Variants in ZDHHC6 observed in about 807,000 individuals in gnomAD.
ZDHHC6 encodes zDHHC palmitoyltransferase 6.
ZDHHC6 carries 32 observed loss-of-function variants against 57.8 expected under a neutral mutation model. The ratio of observed to expected loss-of-function variants is 0.55; its 90% CI spans 0.42 to 0.74. The LOEUF (loss-of-function observed/expected upper bound fraction) is 0.74, where lower values mean the gene tolerates loss of function less well. Among genes scored for constraint, ZDHHC6 ranks in the 30% least tolerant of loss-of-function variants. ZDHHC6 has a pLI of 0.00. For missense variants in ZDHHC6, 433 were observed against 500.7 expected, an observed-to-expected ratio of 0.86 and a Z score of 1.29; for synonymous variants, 128 against 158.0, an observed-to-expected ratio of 0.81 and a Z score of 1.42.
At chr10:112,436,884 C>T (rs1272882792) in intron 6 of ZDHHC6, among the ~76,000 whole-genome samples, 1 of 152,082 alleles carries the variant, frequency 6.6e-6, no homozygotes, top group African/African-American at 2.4e-5. Flanking sequence ...ATACATAAAG[C>T]GTGCCCAAGT....
At chr10:112,445,692 A>G (rs1208268605) in intron 1 of ZDHHC6, 42 bp from the exon 2 acceptor site, 2 of 532,536 alleles carry the variant, frequency 3.8e-6, no homozygotes, top group Middle Eastern at 9.6e-4. Flanking sequence ...AAACAAAACA[A>G]AACAAAACCT....
At chr10:112,427,394 A>G (rs771847301), downstream of ZDHHC6, 1 of 1,542,034 alleles carries the variant, frequency 6.5e-7, no homozygotes. Context: ...CCCACTGTGC[A>G]CTGCTTGTGA....
Position 112,438,316 on chromosome 10 carries a change from A to G in ZDHHC6, c.735+20T>C, listed in dbSNP as rs1845745957. 2.3e-6 allele frequency: 3 copies of G among 1,287,162 alleles called. No individual in the cohort carries two copies. Among genetic ancestry groups the G allele is most frequent in the Non-Finnish European group, 2.1e-6 (2 of 969,620 alleles). The allele number at this position is 1,287,162 out of a possible 1,614,324, so 79.7% of individuals were successfully genotyped here. The stretch of plus-strand genomic sequence containing the variant: ...TTAATATACTTTTTTAATATTGAAG[A>G]AACAATTATTAAAATTTACCTTCTC... On this transcript the variant is annotated intron_variant, in intron 6 of 10. Coordinates refer to ENST00000369405, the MANE Select transcript of ZDHHC6 (RefSeq NM_022494.3).
intron 6 of ZDHHC6, among the ~76,000 whole-genome samples, chr10:112,436,063 GGCAGAGGGAACAACATGT>G (rs1314830658): frequency 6.6e-6 from 1 of 152,178 alleles, no homozygotes; most frequent in East Asian, 1.9e-4. Context: ...GAGCATTCTA[GGCAGAGGGAACAACATGT>G]GCAAGGATAC....
Position 112,432,414 on chromosome 10 carries a change from C to T in ZDHHC6, c.1053G>A (p.Leu351=). 6.2e-7 allele frequency: 1 copy of T among 1,614,020 alleles called. No homozygotes were observed. The highest frequency in any genetic ancestry group is 8.5e-7 in the Non-Finnish European group (1 of 1,179,974). Reference sequence around the variant, plus strand: ...TGGCTAAAATGAATTCCCCTTTTTGCAGCTGTATTCGAGGCTCTTCGGTGC... The same window carrying T: ...TGGCTAAAATGAATTCCCCTTTTTGTAGCTGTATTCGAGGCTCTTCGGTGC... The part of the protein sequence containing the change: ...SPCTEEPRIQ[L]QKGEFILATR... The change falls in exon 9 of 11, where the codon CTG becomes CTA. Residue 351 remains leucine, a synonymous_variant. Transcript: ENST00000369405.
chr10:112,430,030 G>A (rs1048467147), downstream of ZDHHC6, among the ~76,000 whole-genome samples: 6 of 152,192 alleles, frequency 3.9e-5, no homozygotes, highest in Non-Finnish European at 7.4e-5. Context: ...GCCCGGGTCC[G>A]CAGCCACGGC....
rs1845333308 is a variant in ZDHHC6 at position 112,434,467 on chromosome 10, G to T, written c.736-3C>A. 1 of 1,609,248 alleles carries T rather than the reference G, an allele frequency of 6.2e-7. No individual in the cohort carries two copies. Among genetic ancestry groups the T allele is most frequent in the East Asian group, 2.2e-5 (1 of 44,718 alleles). On this transcript the variant is annotated splice_polypyrimidine_tract_variant and splice_region_variant and intron_variant, in intron 6 of 10. Transcript: ENST00000369405. ...TAATACTGAATTCGATCTTTAGCCT[G>T]TGGGTAACAAAGATATAAGATGGCA...
Position 112,443,477 on chromosome 10 carries a change from T to C in ZDHHC6, c.359+38A>G, listed in dbSNP as rs776564172. ...CAACAATGAAAACATCAGTAATTAG[T>C]TGATCAGTCCTCGCTGAACAGCAAG... is the stretch of plus-strand genomic sequence containing the variant. On this transcript the variant is annotated intron_variant, in intron 3 of 10. Coordinates refer to ENST00000369405, the MANE Select transcript of ZDHHC6 (RefSeq NM_022494.3). 4.3e-5 allele frequency: 67 copies of C among 1,559,564 alleles called. No homozygotes were observed. The Middle Eastern group carries it at 5.0e-4, about 12-fold the overall frequency.
chr10:112,427,262 TG>T, downstream of ZDHHC6: 1 of 1,613,610 alleles, frequency 6.2e-7, no homozygotes. Context: ...CCATTGAAAA[TG>T]GGCTCTTGAC....
chr10:112,439,708 G>C (rs969789521), intron 5 of ZDHHC6, among the ~76,000 whole-genome samples: 1 of 143,162 alleles, frequency 7.0e-6, no homozygotes, highest in African/African-American at 2.6e-5. Flanking sequence ...TCAGAGCCAG[G>C]TCCTCCTCCT....
Position 112,430,689 on chromosome 10 carries a change from C to T in ZDHHC6, c.*115G>A, listed in dbSNP as rs1248505964. 1 of 830,744 alleles carries T rather than the reference C, an allele frequency of 1.2e-6. No individual in the cohort carries two copies. Among genetic ancestry groups the T allele is most frequent in the Non-Finnish European group, 1.8e-6 (1 of 561,734 alleles). The allele number at this position is 830,744 out of a possible 1,614,324, so 51.5% of individuals were successfully genotyped here. A position where few individuals can be genotyped will look rare whatever the true frequency, so the allele number is the denominator to read the frequency against. On this transcript the variant is annotated 3_prime_UTR_variant, in exon 11 of 11. Transcript: ENST00000369405. ...ATATTTAAATCATGGCACTAGGGCA[C>T]CTTTGAGGAAAAGAACATCTTAACC...
chr10:112,442,046 G>T, intron 4 of ZDHHC6, 146 bp downstream of exon 4: 2 of 882,292 alleles, frequency 2.3e-6, no homozygotes, highest in Non-Finnish European at 3.2e-6. Flanking sequence ...TTCTAAAAAG[G>T]AACCCATATA....
Position 112,445,634 on chromosome 10 carries a change from T to C in ZDHHC6, c.-198A>G. 1 of 628,410 alleles carries C rather than the reference T, an allele frequency of 1.6e-6. No homozygotes were observed. Among genetic ancestry groups the C allele is most frequent in the Middle Eastern group, 4.4e-4 (1 of 2,272 alleles). 38.9% of individuals were successfully genotyped at this position (628,410 alleles called of 1,614,324 possible). On this transcript the variant is annotated 5_prime_UTR_variant, in exon 2 of 11. Transcript: ENST00000369405. ...ATCTTAACTAGGAGAATCCAGTGTCTTGGTCTGAAACCCAACCTAAAGAAA... is the reference window on the plus strand; with the variant it reads ...ATCTTAACTAGGAGAATCCAGTGTCCTGGTCTGAAACCCAACCTAAAGAAA...
downstream of ZDHHC6, among the ~76,000 whole-genome samples, chr10:112,429,970 G>GGT (rs1326007685): frequency 1.3e-5 from 2 of 151,528 alleles, no homozygotes; most frequent in Non-Finnish European, 3.0e-5. Flanking sequence ...AGTTGTTGGG[G>GGT]GGGGGGTGTG....
chr10:112,445,051 T>C (rs1846510261), intron 2 of ZDHHC6, 119 bp downstream of exon 2: 1 of 1,159,162 alleles, frequency 8.6e-7, no homozygotes, highest in Non-Finnish European at 1.2e-6. Context: ...TAGAGTAATA[T>C]ACTTAGTCTC....
chr10:112,426,808 A>T (rs1335239691), downstream of ZDHHC6: 2 of 1,614,040 alleles, frequency 1.2e-6, no homozygotes, highest in Non-Finnish European at 1.7e-6. Context: ...AAGCCATTTT[A>T]GAAGACTTGC....
chr10:112,436,037 G>A (rs889774153), intron 6 of ZDHHC6, among the ~76,000 whole-genome samples: 12 of 152,152 alleles, frequency 7.9e-5, no homozygotes, highest in Admixed American at 1.3e-4. Flanking sequence ...AAGAAATCAG[G>A]CAAAAAGAGA....
In ZDHHC6 at chr10:112,438,261, A is replaced by G. The variant is rs1490952115; in HGVS notation, c.735+75T>C. ...TTAATCCGGTCTAATAACAGACTTT[A>G]TTAATATTCAGGACTTTACCAGTCC... is the stretch of plus-strand genomic sequence containing the variant. On this transcript the variant is annotated intron_variant, in intron 6 of 10. Transcript: ENST00000369405. 2.9e-6 allele frequency: 3 copies of G among 1,039,918 alleles called. No individual in the cohort carries two copies. The African/African-American group carries it at 5.0e-5, about 17-fold the overall frequency. The allele number at this position is 1,039,918 out of a possible 1,614,324, so 64.4% of individuals were successfully genotyped here.
At position 112,432,423 on chromosome 10, in the gene ZDHHC6, T is replaced by G; in HGVS notation, c.1044A>C (p.Arg348=). 1 of 1,614,214 alleles carries G rather than the reference T, an allele frequency of 6.2e-7. No individual in the cohort carries two copies. Among genetic ancestry groups the G allele is most frequent in the South Asian group, 1.1e-5 (1 of 91,086 alleles). Residue 348 remains arginine (R), a synonymous_variant, in exon 9 of 11, where the codon CGA becomes CGC. Transcript: ENST00000369405. The part of the protein sequence containing the change: ...FFTSPCTEEP[R]IQLQKGEFIL... ...TGAATTCCCCTTTTTGCAGCTGTAT[T>G]CGAGGCTCTTCGGTGCAGGGACTTG...
Sources: allele counts gnomAD v4.1 joint callset (sites outside exome capture counted in the v4.1 genomes callset), GRCh38; gene constraint gnomAD v4.1.1; transcripts MANE v1.5; gene names NCBI Gene and HGNC (gene_info 2026-07-23, HGNC 2026-07-21).